The following PDE1A variants were observed in gnomAD, a reference collection of about 807,000 sequenced individuals.
The protein encoded by PDE1A is dual specificity calcium/calmodulin-dependent 3',5'-cyclic nucleotide phosphodiesterase 1A.
A neutral mutation model predicts 61.7 loss-of-function variants in PDE1A; 35 were observed. The observed-to-expected ratio is 0.57, with a 90% CI of 0.43 to 0.75. The LOEUF (loss-of-function observed/expected upper bound fraction) is 0.75, where lower values mean the gene tolerates loss of function less well. PDE1A is among the 30% of genes least tolerant of loss of function. PDE1A has a pLI of 0.00. For synonymous variants in PDE1A, 232 were observed against 213.2 expected (o/e 1.09, Z -0.77); for missense variants, 597 against 630.6 (o/e 0.95, Z 0.57).
intron 2 of PDE1A, among the ~76,000 whole-genome samples, chr2:182,503,653 G>A (rs970251713): frequency 6.6e-6 from 1 of 152,198 alleles, no homozygotes. Context: ...CTTCATTAAG[G>A]TCTTTCTTCA....
At chr2:182,505,348 A>T (rs1689338656) in intron 2 of PDE1A, among the ~76,000 whole-genome samples, 1 of 152,214 alleles carries the variant, frequency 6.6e-6, no homozygotes, top group African/African-American at 2.4e-5. Context: ...CTATGTAGTT[A>T]TCTAGAGTCG....
intron 1 of PDE1A, among the ~76,000 whole-genome samples, chr2:182,394,521 TG>T: frequency 6.6e-6 from 1 of 151,862 alleles, no homozygotes; most frequent in East Asian, 2.0e-4. Context: ...GTAACTGCAC[TG>T]GGGAAAGGGG....
At chr2:182,157,314 C>T (rs1425188041) in intron 13 of PDE1A, among the ~76,000 whole-genome samples, 1 of 152,026 alleles carries the variant, frequency 6.6e-6, no homozygotes, top group Admixed American at 6.6e-5. Context: ...TGTGACCAGC[C>T]TATTTTGATG....
At chr2:182,435,100 T>C (rs1359502257) in intron 2 of PDE1A, among the ~76,000 whole-genome samples, 1 of 152,002 alleles carries the variant, frequency 6.6e-6, no homozygotes, top group African/African-American at 2.4e-5. Context: ...CCTTAAGTGC[T>C]GCCCATCAAA....
the PDE1A span, among the ~76,000 whole-genome samples, chr2:182,624,839 C>T: frequency 1.3e-5 from 2 of 152,164 alleles, no homozygotes; most frequent in African/African-American, 4.8e-5. Flanking sequence ...TTCAAATTAG[C>T]CAGTCCACAG....
At position 182,254,989 on chromosome 2, in the gene PDE1A, A is replaced by G. The variant is rs182577404; in HGVS notation, c.167+9312T>C. Among the ~76,000 whole-genome samples the G allele has an allele frequency of 4.6e-5, 7 of 152,344 alleles. No homozygotes were observed. The East Asian group carries it at 1.2e-3, about 25-fold the overall frequency. Reference sequence around the variant, plus strand: ...TAAATATGTTACCTAACTAGAGCCAATGAAACATAAGGATATGCTTATCGG... The same window carrying G: ...TAAATATGTTACCTAACTAGAGCCAGTGAAACATAAGGATATGCTTATCGG... On this transcript the variant is annotated intron_variant, in intron 2 of 13. Coordinates refer to ENST00000351439, the Ensembl canonical transcript of PDE1A.
At chr2:182,648,970 CAGG>C in the PDE1A span, among the ~76,000 whole-genome samples, 1 of 152,150 alleles carries the variant, frequency 6.6e-6, no homozygotes, top group African/African-American at 2.4e-5. Flanking sequence ...GTGCTCATAT[CAGG>C]ACAGTCAAAC....
intron 1 of PDE1A, among the ~76,000 whole-genome samples, chr2:182,266,800 G>C (rs529340357): frequency 1.3e-5 from 2 of 152,206 alleles, no homozygotes; most frequent in South Asian, 2.1e-4. Context: ...AGCCATCTGG[G>C]ATCATAAATG....
downstream of PDE1A, among the ~76,000 whole-genome samples, chr2:182,144,428 G>A (rs972281769): frequency 6.6e-6 from 1 of 152,230 alleles, no homozygotes; most frequent in Middle Eastern, 3.4e-3. Context: ...AAACACTTTC[G>A]TGGTCTAAAA....
chr2:182,636,160 G>A, the PDE1A span, among the ~76,000 whole-genome samples: 3 of 151,498 alleles, frequency 2.0e-5, no homozygotes, highest in African/African-American at 4.9e-5. Context: ...GTGTTTCACC[G>A]TGTTAGACAG....
chr2:182,600,609 A>C, the PDE1A span, among the ~76,000 whole-genome samples: 1 of 152,368 alleles, frequency 6.6e-6, no homozygotes, highest in Non-Finnish European at 1.5e-5. Flanking sequence ...AAACAAAATC[A>C]GAGGTTGGGC....
At chr2:182,300,015 C>T (rs1190895430) in intron 1 of PDE1A, among the ~76,000 whole-genome samples, 1 of 152,176 alleles carries the variant, frequency 6.6e-6, no homozygotes, top group East Asian at 1.9e-4. Flanking sequence ...GGGTGTATCA[C>T]ATTGGTGAAG....
intron 1 of PDE1A, among the ~76,000 whole-genome samples, chr2:182,307,243 G>C (rs1595445): frequency 0.93 from 141,652 of 152,236 alleles, 66,461 homozygotes; most frequent in East Asian, 0.99. Context: ...TCCTCCCAAA[G>C]TCATTTTGAA....
the PDE1A span, among the ~76,000 whole-genome samples, chr2:182,684,182 TA>T: frequency 1.3e-3 from 194 of 149,798 alleles, no homozygotes; most frequent in African/African-American, 4.5e-3. Flanking sequence ...TTGTAATACC[TA>T]AAAAAAATTA....
chr2:182,641,943 C>T, the PDE1A span, among the ~76,000 whole-genome samples: 1 of 152,184 alleles, frequency 6.6e-6, no homozygotes, highest in African/African-American at 2.4e-5. Context: ...TATGACGTAC[C>T]TCCTAAGATC....
the PDE1A span, among the ~76,000 whole-genome samples, chr2:182,618,720 G>C: frequency 6.6e-6 from 1 of 152,122 alleles, no homozygotes; most frequent in Non-Finnish European, 1.5e-5. Context: ...TTATTTCCGG[G>C]AACATGAGTC....
intron 7 of PDE1A, among the ~76,000 whole-genome samples, chr2:182,218,074 G>C (rs1468007122): frequency 6.7e-6 from 1 of 149,350 alleles, no homozygotes; most frequent in African/African-American, 2.5e-5. Flanking sequence ...ATACACCATG[G>C]AATACTATGC....
chr2:182,141,731 C>T (rs1311976857), exon 15 of PDE1A: 1 of 152,040 alleles, frequency 6.6e-6, no homozygotes, highest in African/African-American at 2.4e-5. Flanking sequence ...ATTGTGGAGC[C>T]CAGGAAGGAA....
In PDE1A at chr2:182,519,319, C is replaced by T. The variant is rs1316569154; in HGVS notation, c.101+2957G>A. Among the ~76,000 whole-genome samples, 4 of 151,928 alleles carry T rather than the reference C, an allele frequency of 2.6e-5. No homozygotes were observed. In the East Asian group the frequency reaches 7.7e-4, roughly 29 times the overall value. On this transcript the variant is annotated intron_variant, in intron 2 of 14. Transcript: ENST00000410103. ...AATCTAATTTATGAAAGACCTGATGCCATAGTTATTTGCCCATATTTCCAC... is the reference window on the plus strand; with the variant it reads ...AATCTAATTTATGAAAGACCTGATGTCATAGTTATTTGCCCATATTTCCAC...
Sources: allele counts gnomAD v4.1 joint callset (sites outside exome capture counted in the v4.1 genomes callset), GRCh38; gene constraint gnomAD v4.1.1; transcripts MANE v1.5; gene names NCBI Gene and HGNC (gene_info 2026-07-23, HGNC 2026-07-21).